PCID2: variants seen among roughly 807,000 people sequenced by gnomAD.
The protein encoded by PCID2 is PCI domain containing 2.
PCID2 carries 41 observed loss-of-function variants against 61.3 expected under a neutral mutation model. That is an observed-to-expected ratio of 0.67 (90% CI 0.52 to 0.87). PCID2 has a LOEUF of 0.87. PCID2 is among the 40% of genes least tolerant of loss of function. PCID2 has a pLI of 0.00. For missense variants in PCID2, 392 were observed against 493.4 expected (o/e 0.79, Z 1.95); for synonymous variants, 187 against 177.8 (o/e 1.05, Z -0.41).
chr13:113,171,561 C>T, the PCID2 span: 32 of 1,613,564 alleles, frequency 2.0e-5, no homozygotes, highest in Middle Eastern at 3.3e-4. This position sits in a 1 kb window ranked among gnomAD's most constrained non-coding sequence, Gnocchi z 5.1. Flanking sequence ...GAAAATCAGA[C>T]TGTAAAGAAC....
At chr13:113,205,331 G>T (rs573036798) in intron 1 of PCID2, among the ~76,000 whole-genome samples, 1 of 152,114 alleles carries the variant, frequency 6.6e-6, no homozygotes, top group Non-Finnish European at 1.5e-5. Flanking sequence ...ATACCACTCC[G>T]CACCCAGCAG....
At chr13:113,177,220 CT>C (rs559865381), downstream of PCID2, among the ~76,000 whole-genome samples, 28 of 152,334 alleles carry the variant, frequency 1.8e-4, no homozygotes, top group African/African-American at 6.0e-4. Flanking sequence ...TCACTGCAAC[CT>C]TTGCCTCCCG....
At chr13:113,165,830 C>T in the PCID2 span, among the ~76,000 whole-genome samples, 12 of 152,210 alleles carry the variant, frequency 7.9e-5, no homozygotes, top group Non-Finnish European at 1.6e-4. Context: ...CACGCCTGGC[C>T]TCATCATTCA....
At chr13:113,195,026 C>G in intron 6 of PCID2, 45 bp downstream of exon 6, 1 of 1,321,798 alleles carries the variant, frequency 7.6e-7, no homozygotes, top group Non-Finnish European at 1.1e-6. Flanking sequence ...CAGATAGTCA[C>G]CAAGTTTTAG....
chr13:113,208,053 T>G (rs770013847), intron 1 of PCID2: 11 of 1,612,712 alleles, frequency 6.8e-6, no homozygotes, highest in African/African-American at 2.7e-5. Context: ...GTCAGACGCA[T>G]GTACCGAGCG....
chr13:113,181,042 G>A (rs2037588002), intron 10 of PCID2, 88 bp downstream of exon 10: 5 of 846,752 alleles, frequency 5.9e-6, no homozygotes, highest in African/African-American at 1.7e-5. Flanking sequence ...ATCAACTACA[G>A]ACTGTCTGCT....
the PCID2 span, chr13:113,172,041 C>T: frequency 3.7e-6 from 6 of 1,612,966 alleles, no homozygotes; most frequent in African/African-American, 6.7e-5. Context: ...GGAGGGCAGG[C>T]TCACATGGTC....
intron 2 of PCID2, among the ~76,000 whole-genome samples, chr13:113,198,527 G>A (rs905367585): frequency 6.6e-6 from 1 of 152,044 alleles, no homozygotes; most frequent in Admixed American, 6.6e-5. Flanking sequence ...CATGGTGAAA[G>A]CCCGTCTCTA....
At chr13:113,203,625 T>C (rs1307431235) in intron 1 of PCID2, among the ~76,000 whole-genome samples, 1 of 152,226 alleles carries the variant, frequency 6.6e-6, no homozygotes, top group Non-Finnish European at 1.5e-5. Context: ...GCCCATCCTC[T>C]GCAGGAGGCT....
At chr13:113,194,779 TTTG>T (rs904230559) in intron 6 of PCID2, among the ~76,000 whole-genome samples, 3 of 152,310 alleles carry the variant, frequency 2.0e-5, no homozygotes, top group African/African-American at 7.2e-5. Context: ...AATAAGCTCA[TTTG>T]TTGTTGTTCC....
downstream of PCID2, among the ~76,000 whole-genome samples, chr13:113,175,189 A>G (rs1195313445): frequency 6.6e-6 from 1 of 152,200 alleles, no homozygotes; most frequent in Admixed American, 6.5e-5. Flanking sequence ...AGTCTCGGGC[A>G]GTTCTTTATA....
the PCID2 span, among the ~76,000 whole-genome samples, chr13:113,166,679 C>G: frequency 1.3e-5 from 2 of 152,244 alleles, no homozygotes; most frequent in Non-Finnish European, 2.9e-5. Flanking sequence ...CAAACTTCCT[C>G]TCAATCTTTT....
chr13:113,193,972 T>C (rs759745067), intron 6 of PCID2, among the ~76,000 whole-genome samples: 1 of 152,208 alleles, frequency 6.6e-6, no homozygotes, highest in African/African-American at 2.4e-5. Context: ...ATCCCGGACA[T>C]TTGAGGCACT....
chr13:113,170,250 T>C, the PCID2 span, among the ~76,000 whole-genome samples: 2 of 132,644 alleles, frequency 1.5e-5, no homozygotes, highest in African/African-American at 2.8e-5. Context: ...AACAATCCTG[T>C]ACCATTTGAG....
rs2040074050 is a variant in PCID2, at chr13:113,208,198, T to C, written c.36+401A>G. The C allele has an allele frequency of 1.9e-6, 3 of 1,553,550 alleles. No homozygotes were observed. In the African/African-American group the frequency reaches 4.1e-5, roughly 21 times the overall value. On this transcript the variant is annotated intron_variant, in intron 1 of 13. Coordinates refer to ENST00000337344, the MANE Select transcript of PCID2 (RefSeq NM_001127202.4). ...TCGCCTCCTGGAGTCCCCGAATTCA[T>C]CCCGCATCCTGCTGGGAAACAGCGT... is the stretch of plus-strand genomic sequence containing the variant.
At chr13:113,201,770 C>T (rs1160492901) in intron 1 of PCID2, among the ~76,000 whole-genome samples, 1 of 145,734 alleles carries the variant, frequency 6.9e-6, no homozygotes, top group Non-Finnish European at 1.5e-5. Context: ...GAGCAGAAAT[C>T]GCGCCACTGC....
At chr13:113,187,064 G>A (rs1318314085) in intron 7 of PCID2, 6 of 152,078 alleles carry the variant, frequency 3.9e-5, no homozygotes, top group South Asian at 4.2e-4. Flanking sequence ...CATTCCCTAC[G>A]TGCATGACCT....
intron 1 of PCID2, 28 bp from the exon 2 acceptor site, chr13:113,200,544 T>A: frequency 6.9e-7 from 1 of 1,441,986 alleles, no homozygotes; most frequent in African/African-American, 1.4e-5. Flanking sequence ...GAAACCTAAG[T>A]AGAAAATAAA....
intron 1 of PCID2, chr13:113,208,283 C>G (rs553602049): frequency 7.9e-5 from 113 of 1,432,708 alleles, no homozygotes; most frequent in South Asian, 2.6e-4. Flanking sequence ...CCCTTCGGAC[C>G]GCCTGGGAGC....
Sources: gnomAD v4.1 joint callset for allele counts (sites outside exome capture counted in the v4.1 genomes callset) on GRCh38, gnomAD v4.1.1 for gene constraint, Gnocchi (gnomAD v3.1) non-coding constraint, MANE v1.5 for transcripts, NCBI Gene and HGNC (gene_info 2026-07-23, HGNC 2026-07-21) for gene names.